The following NUP35 variants were observed in gnomAD, a reference collection of about 807,000 sequenced individuals.
NUP35 encodes the protein nucleoporin 35, also known as nucleoporin NUP35.
Under a neutral mutation model 41.5 loss-of-function variants are expected in NUP35, and 25 were observed. The observed-to-expected ratio is 0.60, with a 90% CI of 0.44 to 0.84. The LOEUF is 0.84. Ranked by LOEUF, NUP35 falls within the 40% of genes least tolerant of loss-of-function variation. NUP35 has a pLI of 0.00. For missense variants in NUP35, 396 were observed against 396.6 expected (o/e 1.00, Z 0.01); for synonymous variants, 149 against 130.7 (o/e 1.14, Z -0.96).
intron 5 of NUP35, 101 bp downstream of exon 5, chr2:183,151,750 CA>C: frequency 9.2e-7 from 1 of 1,081,548 alleles, no homozygotes; most frequent in Non-Finnish European, 1.3e-6. Flanking sequence ...GCATAGCAAA[CA>C]CCCATATTAC....
intron 2 of NUP35, 63 bp downstream of exon 2, chr2:183,128,520 G>GA: frequency 7.6e-7 from 1 of 1,318,186 alleles, no homozygotes; most frequent in Non-Finnish European, 1.0e-6. Context: ...CAATTTTTTG[G>GA]CTTCCCTGAA....
intron 4 of NUP35, among the ~76,000 whole-genome samples, chr2:183,149,743 G>T (rs530990065): frequency 4.1e-4 from 63 of 152,216 alleles, no homozygotes; most frequent in African/African-American, 1.5e-3. Context: ...TTTGGATTCC[G>T]ATTGCCTGGA....
At chr2:183,117,679 T>C (rs1449217708) in intron 1 of NUP35, 1 of 152,224 alleles carries the variant, frequency 6.6e-6, no homozygotes, top group Non-Finnish European at 1.5e-5. Flanking sequence ...GTTTTTGTTT[T>C]ATAGAATAGA....
chr2:183,155,377 G>T (rs1685621091), intron 5 of NUP35, among the ~76,000 whole-genome samples: 1 of 152,154 alleles, frequency 6.6e-6, no homozygotes, highest in Non-Finnish European at 1.5e-5. Flanking sequence ...CTTTAAGGCA[G>T]TGATTGCCAT....
At chr2:183,160,294 T>A (rs923427856) in intron 8 of NUP35, 1 of 152,264 alleles carries the variant, frequency 6.6e-6, no homozygotes, top group African/African-American at 2.4e-5. Context: ...TGACTTCCTC[T>A]GAAATTTGGA....
At chr2:183,129,045 TG>T (rs1449211761) in intron 2 of NUP35, among the ~76,000 whole-genome samples, 3 of 152,060 alleles carry the variant, frequency 2.0e-5, no homozygotes, top group Non-Finnish European at 4.4e-5. Flanking sequence ...CTCACAGAGT[TG>T]ATGAAATACC....
At chr2:183,150,918 G>A (rs930049949) in intron 4 of NUP35, among the ~76,000 whole-genome samples, 4 of 152,212 alleles carry the variant, frequency 2.6e-5, no homozygotes, top group African/African-American at 9.6e-5. Context: ...AAAGTGTTTA[G>A]CATGGCATGT....
In NUP35 at chr2:183,124,486, G is replaced by C; in HGVS notation, c.29G>C (p.Gly10Ala). 1.2e-6 allele frequency: 2 copies of C among 1,614,150 alleles called. No homozygotes were observed. The highest frequency in any genetic ancestry group is 3.3e-4 in the Middle Eastern group (2 of 6,040). MAAFAVEPQ[G>A]PALGSEPMML... ...GCAGCCTTTGCAGTGGAACCTCAGG[G>C]GCCCGCGTTAGGTGAGTGAAATATT... The change falls in exon 1 of 9, where the codon GGG becomes GCG. Residue 10 changes from glycine to alanine, a missense_variant. Gly to Ala is a moderately conservative substitution (Grantham distance 60). Transcript: ENST00000295119.
At chr2:183,138,109 G>A (rs1406786608) in intron 4 of NUP35, among the ~76,000 whole-genome samples, 1 of 151,638 alleles carries the variant, frequency 6.6e-6, no homozygotes, top group African/African-American at 2.4e-5. Context: ...TCTTAATGGG[G>A]TATAAGTGAC....
chr2:183,156,568 T>G (rs900279510), intron 5 of NUP35, among the ~76,000 whole-genome samples: 3 of 152,152 alleles, frequency 2.0e-5, no homozygotes, highest in Admixed American at 2.0e-4. Flanking sequence ...CTCGAACTCC[T>G]GACCTCAAGT....
In NUP35 at chr2:183,159,520, A is replaced by C; in HGVS notation, c.771A>C (p.Leu257Phe). The C allele has an allele frequency of 6.2e-7, 1 of 1,613,654 alleles. No individual in the cohort carries two copies. The highest frequency in any genetic ancestry group is 1.1e-5 in the South Asian group (1 of 91,068). The change falls in exon 8 of 9, where the codon TTA becomes TTC. Residue 257 changes from leucine to phenylalanine, a missense_variant. Leu to Phe is a conservative substitution (Grantham distance 22, BLOSUM62 0). Transcript: ENST00000295119. Reference sequence around the variant, plus strand: ...TGGAAAGCAGTGACAGATGTGCTTTATCATCTCCATCTTTAGCCTTTACAC... The same window carrying C: ...TGGAAAGCAGTGACAGATGTGCTTTCTCATCTCCATCTTTAGCCTTTACAC... ...SVMESSDRCA[L>F]SSPSLAFTPP...
rs57885793 is a variant in NUP35 at position 183,127,880 on chromosome 2, C to G, written c.41-407C>G. 8.5e-3 allele frequency among the ~76,000 whole-genome samples: 1,286 copies of G among 152,162 alleles called. 19 individuals carry two copies. Among genetic ancestry groups the G allele is most frequent in the African/African-American group, 0.029 (1,200 of 41,520 alleles). On this transcript the variant is annotated intron_variant, in intron 1 of 8. Transcript: ENST00000295119. ...CTGAGCTCAGGAGCTCCAGAGCAGT[C>G]TGGGCAGCATGGTGAAACCCCATTT...
upstream of NUP35, chr2:183,124,227 C>G (rs1700110742): frequency 1.9e-6 from 2 of 1,043,260 alleles, no homozygotes. Context: ...ATTCACAGAA[C>G]CATACGCTGG....
At position 183,130,511 on chromosome 2, in the gene NUP35, G is replaced by C. The variant is rs1216845832; in HGVS notation, c.305G>C (p.Gly102Ala). Residue 102 changes from glycine to alanine, a missense_variant, in exon 3 of 9, where the codon GGA becomes GCA. By Grantham distance (60) the Gly-to-Ala change is moderately conservative. Transcript: ENST00000295119. ...RSIYDDISSP[G>A]LGSTPLTSRR... ...ATATATGATGACATTTCTAGCCCAGGACTTGGATCAACACCTTTAACTTCA... is the reference window on the plus strand; with the variant it reads ...ATATATGATGACATTTCTAGCCCAGCACTTGGATCAACACCTTTAACTTCA... The C allele has an allele frequency of 6.2e-7, 1 of 1,613,140 alleles. No individual in the cohort carries two copies.
At chr2:183,159,729 G>C in intron 8 of NUP35, 77 bp downstream of exon 8, 1 of 1,143,564 alleles carries the variant, frequency 8.7e-7, no homozygotes, top group East Asian at 2.4e-5. Flanking sequence ...TCATTGTATT[G>C]ATTTGTATGC....
At chr2:183,125,248 A>T (rs1335993970) in intron 1 of NUP35, among the ~76,000 whole-genome samples, 1 of 151,848 alleles carries the variant, frequency 6.6e-6, no homozygotes, top group Non-Finnish European at 1.5e-5. Flanking sequence ...CTTTGAAAAA[A>T]ATCTACCACT....
At chr2:183,159,779 C>T (rs1685803624) in intron 8 of NUP35, 127 bp downstream of exon 8, 1 of 661,200 alleles carries the variant, frequency 1.5e-6, no homozygotes, top group African/African-American at 1.9e-5. Flanking sequence ...CTTGATGAAA[C>T]CTTTACGCTT....
intron 5 of NUP35, 82 bp downstream of exon 5, chr2:183,151,731 G>A: frequency 7.5e-7 from 1 of 1,341,012 alleles, no homozygotes; most frequent in South Asian, 1.4e-5. Context: ...CAGTAAAATG[G>A]AAAGAAGTGC....
chr2:183,145,684 A>G (rs534406054), intron 4 of NUP35, among the ~76,000 whole-genome samples: 21 of 152,214 alleles, frequency 1.4e-4, no homozygotes, highest in Non-Finnish European at 2.6e-4. Flanking sequence ...CTTAGGTGTT[A>G]CTCCAACAAT....
Sources: allele counts gnomAD v4.1 joint callset (sites outside exome capture counted in the v4.1 genomes callset), GRCh38; gene constraint gnomAD v4.1.1; transcripts MANE v1.5; gene names NCBI Gene and HGNC (gene_info 2026-07-23, HGNC 2026-07-21).